TUSC3: variants seen among roughly 807,000 people sequenced by gnomAD.
TUSC3 encodes dolichyl-diphosphooligosaccharide--protein glycosyltransferase subunit TUSC3.
In TUSC3, 45 loss-of-function variants were observed where a neutral mutation model predicts 44.8. The observed-to-expected ratio is 1.00, with a 90% CI of 0.79 to 1.29. TUSC3 has a LOEUF of 1.29. TUSC3 is among the 50% of genes most tolerant of loss of function. TUSC3 has a pLI of 0.00. For synonymous variants in TUSC3, 212 were observed against 152.9 expected (o/e 1.39, Z -2.85); for missense variants, 519 against 437.9 (o/e 1.19, Z -1.65).
downstream of TUSC3, among the ~76,000 whole-genome samples, chr8:15,766,892 A>T (rs891710914): frequency 6.6e-6 from 1 of 152,106 alleles, no homozygotes; most frequent in African/African-American, 2.4e-5. Context: ...GTGTTTTAAA[A>T]AGGACTGGTC....
chr8:15,542,141 G>A (rs1368271511), intron 1 of TUSC3, among the ~76,000 whole-genome samples: 1 of 151,978 alleles, frequency 6.6e-6, no homozygotes, highest in African/African-American at 2.4e-5. Flanking sequence ...ATACATGTAA[G>A]GTCTACATTG....
chr8:15,478,362 C>G (rs896854222), intron 1 of TUSC3, among the ~76,000 whole-genome samples: 4 of 152,054 alleles, frequency 2.6e-5, no homozygotes, highest in African/African-American at 9.7e-5. Context: ...GTTTGCTGCC[C>G]CATCAGCCCA....
chr8:15,734,708 T>C (rs2129209910), intron 7 of TUSC3, among the ~76,000 whole-genome samples: 1 of 152,288 alleles, frequency 6.6e-6, no homozygotes. Flanking sequence ...TAACTCCCTG[T>C]CTAGAGAATT....
At chr8:15,711,485 TGTGTGTG>T (rs1809850226) in intron 6 of TUSC3, among the ~76,000 whole-genome samples, 1 of 150,312 alleles carries the variant, frequency 6.7e-6, no homozygotes, top group African/African-American at 2.4e-5. Context: ...TGTGTGTGTG[TGTGTGTG>T]TGTATTTAAT....
At chr8:15,659,370 A>G (rs1807318323) in intron 3 of TUSC3, 137 bp from the exon 4 acceptor site, 2 of 1,066,782 alleles carry the variant, frequency 1.9e-6, no homozygotes, top group Admixed American at 2.4e-5. Context: ...AAATAAAAAC[A>G]GAAATTTACC....
At chr8:15,792,697 C>A in the TUSC3 span, among the ~76,000 whole-genome samples, 1 of 152,060 alleles carries the variant, frequency 6.6e-6, no homozygotes, top group Non-Finnish European at 1.5e-5. Context: ...CCCACTGCAA[C>A]CTCTGCCTCC....
intron 2 of TUSC3, among the ~76,000 whole-genome samples, chr8:15,495,885 A>G (rs1800874254): frequency 6.6e-6 from 1 of 152,134 alleles, no homozygotes; most frequent in Non-Finnish European, 1.5e-5. Context: ...TTTACTACTC[A>G]TTTATTTTGC....
intron 6 of TUSC3, among the ~76,000 whole-genome samples, chr8:15,692,663 T>C (rs1314420843): frequency 3.2e-5 from 3 of 92,692 alleles, no homozygotes; most frequent in Non-Finnish European, 6.2e-5. Context: ...TCTGAGGGCT[T>C]TTTTTTTTTT....
chr8:15,700,305 TGTAACA>T (rs1809341849), intron 6 of TUSC3, among the ~76,000 whole-genome samples: 1 of 151,058 alleles, frequency 6.6e-6, no homozygotes. Context: ...GCTCTGGGGG[TGTAACA>T]GTATTCTGGG....
At chr8:15,846,340 G>A in the TUSC3 span, among the ~76,000 whole-genome samples, 7 of 152,124 alleles carry the variant, frequency 4.6e-5, no homozygotes, top group African/African-American at 1.2e-4. Context: ...CCAGTAATGC[G>A]ATTATAGTAG....
rs552333860 is a variant in TUSC3 at position 15,749,789 on chromosome 8, T to C, written c.1028+1324T>C. Among the ~76,000 whole-genome samples, 6 of 148,932 alleles carry C rather than the reference T, an allele frequency of 4.0e-5. No homozygotes were observed. The East Asian group carries it at 9.9e-4, about 25-fold the overall frequency. On this transcript the variant is annotated intron_variant, in intron 9 of 10. Coordinates refer to ENST00000503731, the MANE Select transcript of TUSC3 (RefSeq NM_006765.4). ...GATTGAGAATCATGTTTTTGTATGA[T>C]TGGTACTTAGTTTGGCCTGTGTTCT... is the stretch of plus-strand genomic sequence containing the variant.
At chr8:15,839,754 T>C in the TUSC3 span, among the ~76,000 whole-genome samples, 2 of 152,062 alleles carry the variant, frequency 1.3e-5, no homozygotes, top group African/African-American at 2.4e-5. Context: ...TGTGGAGAAA[T>C]AGGAACACTT....
chr8:15,652,898 C>G (rs1806978734), intron 3 of TUSC3, among the ~76,000 whole-genome samples: 1 of 152,064 alleles, frequency 6.6e-6, no homozygotes, highest in Non-Finnish European at 1.5e-5. Context: ...TTCATTGTAT[C>G]TTTGTTATGC....
intron 1 of TUSC3, among the ~76,000 whole-genome samples, chr8:15,436,345 G>A (rs765111019): frequency 4.6e-5 from 7 of 152,190 alleles, no homozygotes; most frequent in Non-Finnish European, 7.3e-5. Flanking sequence ...GAGCATGTGG[G>A]ATGGAATGTC....
At chr8:15,590,632 T>G (rs568810773) in intron 1 of TUSC3, among the ~76,000 whole-genome samples, 7 of 151,660 alleles carry the variant, frequency 4.6e-5, no homozygotes, top group Non-Finnish European at 1.5e-5. Context: ...TTATAAATAT[T>G]TATTTTTATT....
intron 1 of TUSC3, among the ~76,000 whole-genome samples, chr8:15,619,287 A>G (rs1488071094): frequency 6.6e-6 from 1 of 152,148 alleles, no homozygotes; most frequent in Non-Finnish European, 1.5e-5. Context: ...GATATTTTTC[A>G]TATAATAGAT....
At chr8:15,505,065 A>T (rs1185998251) in intron 2 of TUSC3, among the ~76,000 whole-genome samples, 1 of 152,178 alleles carries the variant, frequency 6.6e-6, no homozygotes, top group Admixed American at 6.5e-5. Flanking sequence ...AATGGCAGGA[A>T]TCTAGAAATT....
intron 2 of TUSC3, among the ~76,000 whole-genome samples, chr8:15,642,845 C>T (rs937139284): frequency 1.3e-4 from 20 of 152,128 alleles, no homozygotes; most frequent in Non-Finnish European, 1.0e-4. Context: ...AGGCAGTGGC[C>T]TGTATGTCTT....
rs116004669 is a variant in TUSC3, at chr8:15,678,173, T to C, written c.798+4337T>C. Among the ~76,000 whole-genome samples, 605 of 152,312 alleles carry C rather than the reference T, an allele frequency of 4.0e-3. 4 individuals carry two copies. The highest frequency in any genetic ancestry group is 0.014 in the African/African-American group (580 of 41,568). On this transcript the variant is annotated intron_variant, in intron 6 of 10. Transcript: ENST00000503731. ...AGTGGTAAGGGAGCTGAGGTATATA[T>C]ACGCCAGATCTCATCAGCCATTTGC...
Sources: gnomAD v4.1 joint callset for allele counts (sites outside exome capture counted in the v4.1 genomes callset) on GRCh38, gnomAD v4.1.1 for gene constraint, MANE v1.5 for transcripts, NCBI Gene and HGNC (gene_info 2026-07-23, HGNC 2026-07-21) for gene names.